The following RASGRF2 variants were observed in gnomAD, a reference collection of about 807,000 sequenced individuals.
RASGRF2 encodes ras-specific guanine nucleotide-releasing factor 2.
In RASGRF2, 76 loss-of-function variants were observed where a neutral mutation model predicts 151.0. The observed-to-expected ratio is 0.50, with a 90% CI of 0.42 to 0.61. The LOEUF (loss-of-function observed/expected upper bound fraction) is 0.61, where lower values mean the gene tolerates loss of function less well. Ranked by LOEUF, RASGRF2 falls within the 20% of genes least tolerant of loss-of-function variation. The probability of loss-of-function intolerance (pLI) is 0.00; values close to 1 mark genes in which losing one functional copy is unlikely to be tolerated. For missense variants in RASGRF2, 1,148 were observed against 1,564.6 expected, an observed-to-expected ratio of 0.73 and a Z score of 4.49; for synonymous variants, 504 against 566.5, an observed-to-expected ratio of 0.89 and a Z score of 1.57.
chr5:80,992,636 A>G (rs902353303), intron 1 of RASGRF2, among the ~76,000 whole-genome samples: 2 of 152,176 alleles, frequency 1.3e-5, no homozygotes, highest in African/African-American at 4.8e-5. Context: ...TATTGTTTTA[A>G]TGGAGTAAAT....
chr5:81,027,671 T>C (rs1750084167), intron 1 of RASGRF2, among the ~76,000 whole-genome samples: 1 of 152,234 alleles, frequency 6.6e-6, no homozygotes, highest in South Asian at 2.1e-4. Flanking sequence ...AAAATTAAAA[T>C]GCCATAGCTT....
intron 12 of RASGRF2, 98 bp from the exon 13 acceptor site, chr5:81,108,898 G>T (rs1206141731): frequency 1.4e-6 from 2 of 1,431,866 alleles, no homozygotes; most frequent in African/African-American, 2.8e-5. Flanking sequence ...CAGGGAGAGA[G>T]AAATTGAATG....
At chr5:81,104,958 TACTCCTACTTTGAACCCTGC>T (rs1398928975) in intron 12 of RASGRF2, among the ~76,000 whole-genome samples, 3 of 152,328 alleles carry the variant, frequency 2.0e-5, no homozygotes, top group Admixed American at 6.5e-5. Context: ...CTGTCTTCCC[TACTCCTACTTTGAACCCTGC>T]AGAGTTTCCT....
chr5:81,220,961 T>C (rs1357083012), intron 26 of RASGRF2, among the ~76,000 whole-genome samples: 1 of 151,998 alleles, frequency 6.6e-6, no homozygotes, highest in African/African-American at 2.4e-5. Context: ...TTTTGAGGAG[T>C]AGAGGTCAGG....
intron 1 of RASGRF2, among the ~76,000 whole-genome samples, chr5:81,030,954 G>A (rs1750221271): frequency 6.6e-6 from 1 of 152,100 alleles, no homozygotes; most frequent in Non-Finnish European, 1.5e-5. Context: ...GATGGAGGAA[G>A]ATCTACCAAG....
chr5:81,125,394 A>G (rs1423797478), intron 16 of RASGRF2, among the ~76,000 whole-genome samples: 1 of 152,172 alleles, frequency 6.6e-6, no homozygotes, highest in African/African-American at 2.4e-5. Context: ...TTGGGGCTTT[A>G]AGGCTCCAAG....
chr5:81,029,358 G>T (rs1268435177), intron 1 of RASGRF2, among the ~76,000 whole-genome samples: 2 of 152,210 alleles, frequency 1.3e-5, no homozygotes. Flanking sequence ...CCTCAAGTGG[G>T]TCCCTGACCC....
At chr5:80,984,689 G>C (rs1215769183) in intron 1 of RASGRF2, among the ~76,000 whole-genome samples, 1 of 152,142 alleles carries the variant, frequency 6.6e-6, no homozygotes, top group Non-Finnish European at 1.5e-5. Flanking sequence ...GGAAACACTT[G>C]TATTAATGTG....
intron 14 of RASGRF2, chr5:81,113,334 A>G (rs1265036967): frequency 1.6e-6 from 1 of 636,214 alleles, no homozygotes; most frequent in Admixed American, 3.0e-5. Flanking sequence ...GTTTAGTAGC[A>G]AGGGATTAGA....
At chr5:81,126,889 T>G (rs557957495) in intron 16 of RASGRF2, among the ~76,000 whole-genome samples, 185 bp from the exon 17 acceptor site, 1 of 152,290 alleles carries the variant, frequency 6.6e-6, no homozygotes, top group Admixed American at 6.5e-5. Flanking sequence ...TGCTTTCTTT[T>G]CTCTTGGTTA....
At chr5:81,024,845 T>C (rs1216184285) in intron 1 of RASGRF2, among the ~76,000 whole-genome samples, 1 of 152,184 alleles carries the variant, frequency 6.6e-6, no homozygotes, top group Non-Finnish European at 1.5e-5. Context: ...GATTAATATG[T>C]CCAGCCTCAG....
chr5:81,204,716 ACTT>A (rs1170161588), intron 19 of RASGRF2, among the ~76,000 whole-genome samples: 2 of 152,200 alleles, frequency 1.3e-5, no homozygotes, highest in Admixed American at 1.3e-4. Context: ...ATAGTGATTA[ACTT>A]CTTGGATGTT....
At chr5:81,187,182 A>G (rs1755044190) in intron 18 of RASGRF2, among the ~76,000 whole-genome samples, 2 of 152,212 alleles carry the variant, frequency 1.3e-5, no homozygotes. Flanking sequence ...TCGCCCAGGT[A>G]AACTTGCTGT....
intron 2 of RASGRF2, among the ~76,000 whole-genome samples, chr5:81,048,068 A>G (rs1750894523): frequency 6.6e-6 from 1 of 152,246 alleles, no homozygotes; most frequent in African/African-American, 2.4e-5. Context: ...GAATGCACAC[A>G]GAGAGAAATC....
At chr5:81,035,558 A>G (rs1357132458) in intron 1 of RASGRF2, among the ~76,000 whole-genome samples, 1 of 152,108 alleles carries the variant, frequency 6.6e-6, no homozygotes, top group Non-Finnish European at 1.5e-5. Flanking sequence ...ACATGTATAC[A>G]TATGTAACAA....
chr5:81,112,794 G>A lies in RASGRF2; in HGVS notation c.2023G>A (p.Ala675Thr), dbSNP rs1561212038. 6.2e-7 allele frequency: 1 copy of A among 1,614,180 alleles called. No individual in the cohort carries two copies. The highest frequency in any genetic ancestry group is 8.5e-7 in the Non-Finnish European group (1 of 1,180,026). ...FLHTYRIFTTAAVVLGKLSDI... is the reference protein window; with the variant it reads ...FLHTYRIFTTTAVVLGKLSDI... ...GCACACCTATCGTATTTTCACTACT[G>A]CCGCTGTGGTGCTGGGGAAACTCTC... The change falls in exon 14 of 27, where the codon GCC (alanine) becomes ACC (threonine). Residue 675 changes from alanine to threonine, a missense_variant. Physicochemically the swap from Ala to Thr is moderately conservative, Grantham distance 58. This residue lies in a region of RASGRF2 where 646 missense variants were observed against 807.4 expected (regional missense o/e 0.80). Coordinates refer to ENST00000265080, the MANE Select transcript of RASGRF2 (RefSeq NM_006909.3).
intron 1 of RASGRF2, among the ~76,000 whole-genome samples, chr5:81,015,824 A>C (rs1025375290): frequency 6.6e-6 from 1 of 152,200 alleles, no homozygotes; most frequent in Non-Finnish European, 1.5e-5. Context: ...GTTAGCACTT[A>C]AAATGCAAAA....
chr5:81,176,713 G>A (rs1437633413), intron 17 of RASGRF2, among the ~76,000 whole-genome samples: 3 of 152,074 alleles, frequency 2.0e-5, no homozygotes, highest in Admixed American at 2.0e-4. Context: ...CTTTTGTTGG[G>A]GTCCTCAGGG....
chr5:81,052,387 A>C (rs1751040351), intron 2 of RASGRF2, among the ~76,000 whole-genome samples: 2 of 152,204 alleles, frequency 1.3e-5, no homozygotes, highest in African/African-American at 4.8e-5. Flanking sequence ...AACTTTCCAC[A>C]TGTCCCAAAG....
Sources: allele counts gnomAD v4.1 joint callset (sites outside exome capture counted in the v4.1 genomes callset), GRCh38; gene constraint gnomAD v4.1.1; regional missense constraint gnomAD v4.1.1; transcripts MANE v1.5; gene names NCBI Gene and HGNC (gene_info 2026-07-23, HGNC 2026-07-21).